OGG1: variants seen among roughly 807,000 people sequenced by gnomAD.
The protein encoded by OGG1 is N-glycosylase/DNA lyase.
Under a neutral mutation model 42.3 loss-of-function variants are expected in OGG1, and 35 were observed. The ratio of observed to expected loss-of-function variants is 0.83; its 90% confidence interval spans 0.63 to 1.10. The LOEUF is 1.10. Among genes scored for constraint, OGG1 ranks in the 50% least tolerant of loss-of-function variants. The pLI is 0.00. For synonymous variants in OGG1, 189 were observed against 179.0 expected (o/e 1.06, Z -0.44); for missense variants, 484 against 446.7 (o/e 1.08, Z -0.75).
chr3:9,766,226 G>A (rs1207294565), exon 8 of OGG1: 3 of 723,682 alleles, frequency 4.1e-6, no homozygotes, highest in Non-Finnish European at 7.4e-6. Flanking sequence ...GCTTGGGAAT[G>A]AAATTAACAC....
intron 2 of OGG1, among the ~76,000 whole-genome samples, chr3:9,772,126 C>T (rs1202456339): frequency 6.6e-6 from 1 of 152,186 alleles, no homozygotes; most frequent in African/African-American, 2.4e-5. Context: ...CTGACTTGTA[C>T]AGCTTCTATG....
chr3:9,786,040 G>A (rs2078600795), intron 3 of OGG1, among the ~76,000 whole-genome samples: 1 of 151,924 alleles, frequency 6.6e-6, no homozygotes, highest in African/African-American at 2.4e-5. Context: ...CTGGGTTCAT[G>A]CCATTCTCCT....
intron 7 of OGG1, among the ~76,000 whole-genome samples, chr3:9,762,713 A>C (rs2077942881): frequency 6.6e-6 from 1 of 152,154 alleles, no homozygotes; most frequent in Admixed American, 6.5e-5. Flanking sequence ...GTTTGGATAA[A>C]ATGCCACACA....
chr3:9,771,968 C>A (rs1323836446), intron 2 of OGG1, among the ~76,000 whole-genome samples: 12 of 151,856 alleles, frequency 7.9e-5, no homozygotes, highest in African/African-American at 2.9e-4. Flanking sequence ...AGGCGTGAAC[C>A]AACACGCCCA....
At chr3:9,786,766 G>C (rs1463943578) in intron 3 of OGG1, among the ~76,000 whole-genome samples, 1 of 152,154 alleles carries the variant, frequency 6.6e-6, no homozygotes, top group Non-Finnish European at 1.5e-5. Flanking sequence ...TAATCTCCAG[G>C]CTGGTAATAC....
chr3:9,786,373 T>G (rs1382312810), intron 3 of OGG1, among the ~76,000 whole-genome samples: 2 of 152,188 alleles, frequency 1.3e-5, no homozygotes, highest in African/African-American at 4.8e-5. Context: ...CTACCTTAGA[T>G]AACCTGCAAC....
chr3:9,770,703 G>C (rs1308628893), downstream of OGG1, among the ~76,000 whole-genome samples: 4 of 152,158 alleles, frequency 2.6e-5, no homozygotes, highest in East Asian at 7.7e-4. Flanking sequence ...GGTTAGGGGA[G>C]AGAGCCTGCA....
chr3:9,772,060 C>T (rs2078308986), intron 2 of OGG1, among the ~76,000 whole-genome samples: 1 of 152,048 alleles, frequency 6.6e-6, no homozygotes, highest in South Asian at 2.1e-4. Flanking sequence ...TCAGGTGATC[C>T]ACCTGCCTCA....
At chr3:9,763,004 G>A (rs771612645) in intron 7 of OGG1, 2 of 1,614,176 alleles carry the variant, frequency 1.2e-6, no homozygotes, top group Non-Finnish European at 1.7e-6. Flanking sequence ...CCCGCTCCGT[G>A]TAGAAGCCTT....
At chr3:9,758,887 C>A (rs944884348), downstream of OGG1, 5 of 370,934 alleles carry the variant, frequency 1.3e-5, no homozygotes, top group Non-Finnish European at 2.1e-5. Flanking sequence ...ACCTCGGCCT[C>A]CCAAAGTGCT....
At chr3:9,777,029 T>C (rs936610439) in intron 2 of OGG1, among the ~76,000 whole-genome samples, 1 of 152,208 alleles carries the variant, frequency 6.6e-6, no homozygotes, top group Non-Finnish European at 1.5e-5. Flanking sequence ...CATCACTTTC[T>C]TTTCAGCAGG....
intron 4 of OGG1, among the ~76,000 whole-genome samples, chr3:9,755,855 C>G (rs2077524928): frequency 6.6e-6 from 1 of 151,866 alleles, no homozygotes; most frequent in Admixed American, 6.6e-5. Context: ...AACATTAAAT[C>G]TTGGTTCTGC....
At chr3:9,750,761 C>T in intron 1 of OGG1, 184 bp from the exon 2 acceptor site, 1 of 798,356 alleles carries the variant, frequency 1.3e-6, no homozygotes, top group Admixed American at 2.1e-5. Flanking sequence ...TACAGGTGTG[C>T]GCCATGCCCG....
At position 9,757,092 on chromosome 3, in the gene OGG1, G is replaced by C; in HGVS notation, c.980G>C (p.Arg327Pro). Reference sequence around the variant, plus strand: ...TTCAGTGCCGACCTGCGCCAATCCCGCCATGCTCAGGAGCCACCAGCAAAG... The same window carrying C: ...TTCAGTGCCGACCTGCGCCAATCCCCCCATGCTCAGGAGCCACCAGCAAAG... ...VLFSADLRQSRHAQEPPAKRR... is the reference protein window; with the variant it reads ...VLFSADLRQSPHAQEPPAKRR... The change falls in exon 7 of 7, where the codon CGC becomes CCC. Residue 327 changes from arginine to proline, a missense_variant. Arg to Pro is a moderately radical substitution (Grantham distance 103). Coordinates refer to ENST00000344629, the MANE Select transcript of OGG1 (RefSeq NM_002542.6). This position sits in a 1 kb window ranked among gnomAD's most constrained non-coding sequence, Gnocchi z 4.5. 2 of 1,614,054 alleles carry C rather than the reference G, an allele frequency of 1.2e-6. No homozygotes were observed. Among genetic ancestry groups the C allele is most frequent in the Non-Finnish European group, 8.5e-7 (1 of 1,180,014 alleles).
At chr3:9,788,827 G>A (rs2125625820), downstream of OGG1, among the ~76,000 whole-genome samples, 1 of 150,734 alleles carries the variant, frequency 6.6e-6, no homozygotes, top group Middle Eastern at 3.5e-3. Context: ...GGCGTGAGGT[G>A]ACTTTTATAT....
intron 2 of OGG1, among the ~76,000 whole-genome samples, chr3:9,775,142 A>T (rs1008550005): frequency 1.4e-4 from 22 of 152,176 alleles, no homozygotes; most frequent in African/African-American, 5.1e-4. Flanking sequence ...CGGGAGGTTG[A>T]GGCAGGAGAA....
exon 8 of OGG1, chr3:9,766,319 C>T: frequency 1.4e-6 from 1 of 694,098 alleles, no homozygotes. Flanking sequence ...TGCCTGAGGT[C>T]TACCCCTGGG....
intron 3 of OGG1, among the ~76,000 whole-genome samples, chr3:9,754,023 C>T (rs973361770): frequency 1.3e-5 from 2 of 152,146 alleles, no homozygotes; most frequent in African/African-American, 2.4e-5. Flanking sequence ...CCTGTAGTCT[C>T]AGCTACTCAG....
chr3:9,783,810 A>G (rs2078539108), intron 3 of OGG1: 1 of 767,376 alleles, frequency 1.3e-6, no homozygotes, highest in East Asian at 3.1e-5. Flanking sequence ...AATCAAATCA[A>G]TCGGTCAGTC....
Sources: gnomAD v4.1 joint callset for allele counts (sites outside exome capture counted in the v4.1 genomes callset) on GRCh38, gnomAD v4.1.1 for gene constraint, Gnocchi (gnomAD v3.1) non-coding constraint, MANE v1.5 for transcripts, NCBI Gene and HGNC (gene_info 2026-07-23, HGNC 2026-07-21) for gene names.